The following AKT2 variants were observed in gnomAD, a reference collection of about 807,000 sequenced individuals.
The protein encoded by AKT2 is RAC-beta serine/threonine-protein kinase.
AKT2 carries 16 observed loss-of-function variants against 58.6 expected under a neutral mutation model. The ratio of observed to expected loss-of-function variants is 0.27; its 90% confidence interval spans 0.18 to 0.41. The LOEUF is 0.41. AKT2 is among the 10% of genes least tolerant of loss of function. AKT2 has a pLI of 1.00. For synonymous variants in AKT2, 253 were observed against 254.0 expected, an observed-to-expected ratio of 1.00 and a Z score of 0.04; for missense variants, 438 against 661.0, an observed-to-expected ratio of 0.66 and a Z score of 3.70.
chr19:40,235,026 G>T lies in AKT2; in HGVS notation c.1366+19C>A, dbSNP rs148795214. The T allele has an allele frequency of 6.2e-7, 1 of 1,608,624 alleles. No individual in the cohort carries two copies. The highest frequency in any genetic ancestry group is 8.5e-7 in the Non-Finnish European group (1 of 1,174,986). On this transcript the variant is annotated intron_variant, in intron 13 of 13. Transcript: ENST00000392038. The surrounding 1 kb of genome is among the most constrained non-coding windows in gnomAD (Gnocchi z 6.3). ...ACCCCTGGGGCAGGCACACCAGCGC[G>T]GGGGCCCCAGGCACTCACAGCGGTC...
intron 1 of AKT2, among the ~76,000 whole-genome samples, chr19:40,282,042 G>C (rs574057946): frequency 1.4e-4 from 22 of 152,102 alleles, no homozygotes; most frequent in Non-Finnish European, 2.8e-4. Context: ...GCTCTCACTC[G>C]CTTCCATACA....
chr19:40,245,468 A>G (rs912165954), intron 4 of AKT2, among the ~76,000 whole-genome samples: 1 of 152,182 alleles, frequency 6.6e-6, no homozygotes, highest in African/African-American at 2.4e-5. Flanking sequence ...ACATGCTCAC[A>G]TAGGCACAAA....
chr19:40,284,846 A>C, intron 1 of AKT2: 1 of 208,168 alleles, frequency 4.8e-6, no homozygotes, highest in Non-Finnish European at 9.5e-6. Context: ...CGCCCCCTCG[A>C]TAGCTTAGCC....
At chr19:40,258,227 A>G (rs546576588) in intron 2 of AKT2, among the ~76,000 whole-genome samples, 1 of 145,684 alleles carries the variant, frequency 6.9e-6, no homozygotes, top group East Asian at 2.0e-4. Flanking sequence ...CTGGGCAACA[A>G]GAGCGAAACT....
In AKT2 at chr19:40,265,250, G is replaced by A; in HGVS notation, c.18C>T (p.Val6=). Residue 6 remains valine (V), a synonymous_variant, in exon 2 of 14, where the codon GTC becomes GTT. Coordinates refer to ENST00000392038, the MANE Select transcript of AKT2 (RefSeq NM_001626.6). Reference sequence around the variant, plus strand: ...GCTTGTGGAGCCAGCCTTCTTTGATGACAGACACCTCATTCATGGTGGCAG... The same window carrying A: ...GCTTGTGGAGCCAGCCTTCTTTGATAACAGACACCTCATTCATGGTGGCAG... The part of the protein sequence containing the change: MNEVS[V]IKEGWLHKRG... 6.2e-7 allele frequency: 1 copy of A among 1,613,442 alleles called. No individual in the cohort carries two copies. Among genetic ancestry groups the A allele is most frequent in the South Asian group, 1.1e-5 (1 of 90,856 alleles).
Position 40,256,101 on chromosome 19 carries a change from A to G in AKT2, c.175+825T>C, listed in dbSNP as rs369906066. Among the ~76,000 whole-genome samples the G allele has an allele frequency of 3.9e-4, 60 of 152,260 alleles. 1 individual carries two copies. In the South Asian group the frequency reaches 0.012, roughly 30 times the overall value. On this transcript the variant is annotated intron_variant, in intron 3 of 13. Transcript: ENST00000392038. Reference sequence around the variant, plus strand: ...TGTGGCACTTATGAGGACCTTGAAGACACTTGGGGAGATGTGTCCAAGGAG... The same window carrying G: ...TGTGGCACTTATGAGGACCTTGAAGGCACTTGGGGAGATGTGTCCAAGGAG...
chr19:40,264,088 C>A (rs576147273), intron 2 of AKT2, among the ~76,000 whole-genome samples: 1 of 152,136 alleles, frequency 6.6e-6, no homozygotes, highest in Non-Finnish European at 1.5e-5. Flanking sequence ...GTTTGCCTGT[C>A]GGGCTCACTG....
intron 4 of AKT2, among the ~76,000 whole-genome samples, chr19:40,247,063 A>G (rs1349298557): frequency 6.6e-6 from 1 of 152,214 alleles, no homozygotes; most frequent in Non-Finnish European, 1.5e-5. Flanking sequence ...TCTGGGAGTA[A>G]CTGGGGCTCG....
chr19:40,265,543 C>A (rs553092937), intron 1 of AKT2, 192 bp from the exon 2 acceptor site: 33 of 731,164 alleles, frequency 4.5e-5, no homozygotes, highest in Admixed American at 6.1e-5. Context: ...CCCCAGCGAC[C>A]CCAATCTGGG....
rs984430344 is a variant in AKT2 at position 40,232,961 on chromosome 19, A to G, written c.*911T>C. ...CCCCCACCCCTCCCTGACCAAGTCC[A>G]TGGGGCCCAATACTGTCCGGTGTAA... On this transcript the variant is annotated 3_prime_UTR_variant, in exon 14 of 14. Coordinates refer to ENST00000392038, the MANE Select transcript of AKT2 (RefSeq NM_001626.6). 5 of 115,346 alleles carry G rather than the reference A, an allele frequency of 4.3e-5. No individual in the cohort carries two copies. The highest frequency in any genetic ancestry group is 8.1e-5 in the Non-Finnish European group (5 of 62,080). The allele number at this position is 115,346 out of a possible 1,614,324, so 7.1% of individuals were successfully genotyped here.
At position 40,235,967 on chromosome 19, in the gene AKT2, C is replaced by G. The variant is rs1973999189; in HGVS notation, c.1098G>C (p.Glu366Asp). 6.2e-7 allele frequency: 1 copy of G among 1,613,968 alleles called. No individual in the cohort carries two copies. Among genetic ancestry groups the G allele is most frequent in the Admixed American group, 1.7e-5 (1 of 60,000 alleles). Residue 366 changes from glutamate (E) to aspartate (D), a missense_variant, in exon 11 of 14, where the codon GAG becomes GAC. By Grantham distance (45) the Glu-to-Asp change is conservative (BLOSUM62 2). Transcript: ENST00000392038. This position sits in a 1 kb window ranked among gnomAD's most constrained non-coding sequence, Gnocchi z 6.3. ...ERLFELILME[E>D]IRFPRTLSPE... ...GGCTGAGCGTGCGCGGGAAGCGGATCTCTTCCATGAGGATGAGCTCGAAGA... is the reference window on the plus strand; with the variant it reads ...GGCTGAGCGTGCGCGGGAAGCGGATGTCTTCCATGAGGATGAGCTCGAAGA...
rs1240140760 is a variant in AKT2, at chr19:40,265,326, A to G, written c.-59T>C. ...GACAGCTCAGGGCAGCAGGACATGC[A>G]GGAGGCACCGTGGACAGGGCACAGT... On this transcript the variant is annotated 5_prime_UTR_variant, in exon 2 of 14. Transcript: ENST00000392038. 2 of 1,595,002 alleles carry G rather than the reference A, an allele frequency of 1.3e-6. No homozygotes were observed. The highest frequency in any genetic ancestry group is 1.7e-6 in the Non-Finnish European group (2 of 1,171,356).
At chr19:40,284,456 G>A (rs1033604079) in intron 1 of AKT2, among the ~76,000 whole-genome samples, 1 of 152,140 alleles carries the variant, frequency 6.6e-6, no homozygotes, top group Non-Finnish European at 1.5e-5. Flanking sequence ...AAGCACCCCA[G>A]TAACCATGAC....
intron 1 of AKT2, among the ~76,000 whole-genome samples, chr19:40,283,787 C>A (rs1046267351): frequency 1.3e-5 from 2 of 152,186 alleles, no homozygotes; most frequent in African/African-American, 4.8e-5. Flanking sequence ...CTGGGCCAGG[C>A]TGGGCCAGGG....
Position 40,242,288 on chromosome 19 carries a change from G to T in AKT2, c.442-219C>A. 1.2e-6 allele frequency: 1 copy of T among 854,526 alleles called. No individual in the cohort carries two copies. Among genetic ancestry groups the T allele is most frequent in the Non-Finnish European group, 1.8e-6 (1 of 545,842 alleles). The allele number at this position is 854,526 out of a possible 1,614,324, so 52.9% of individuals were successfully genotyped here. Reference sequence around the variant, plus strand: ...TTGGGAGGGCTGGGCTCTGACGTGGGGGTAGCCAGGTCTTCACCAACTCCC... The same window carrying T: ...TTGGGAGGGCTGGGCTCTGACGTGGTGGTAGCCAGGTCTTCACCAACTCCC... On this transcript the variant is annotated intron_variant, in intron 5 of 13. Coordinates refer to ENST00000392038, the MANE Select transcript of AKT2 (RefSeq NM_001626.6). This position sits in a 1 kb window ranked among gnomAD's most constrained non-coding sequence, Gnocchi z 4.3.
intron 4 of AKT2, among the ~76,000 whole-genome samples, chr19:40,254,886 T>C (rs1376511250): frequency 6.6e-6 from 1 of 150,510 alleles, no homozygotes; most frequent in African/African-American, 2.4e-5. Context: ...GATCTCCAGG[T>C]AGTCACAGGT....
intron 4 of AKT2, among the ~76,000 whole-genome samples, chr19:40,247,836 C>T (rs1258516994): frequency 6.6e-6 from 1 of 152,202 alleles, no homozygotes; most frequent in African/African-American, 2.4e-5. Context: ...CTCATCTGCC[C>T]ACCGACAGAG....
intron 1 of AKT2, chr19:40,273,364 T>A (rs1451408424): frequency 6.6e-6 from 1 of 151,986 alleles, no homozygotes; most frequent in Non-Finnish European, 1.5e-5. Context: ...AAATTATTAT[T>A]TCCTCTGATG....
chr19:40,242,448 G>C lies in AKT2; in HGVS notation c.441+86C>G. On this transcript the variant is annotated intron_variant, in intron 5 of 13. Transcript: ENST00000392038. This position sits in a 1 kb window ranked among gnomAD's most constrained non-coding sequence, Gnocchi z 4.3. The stretch of plus-strand genomic sequence containing the variant: ...GTCTCTCAGCTGAGCCCCCTGAACT[G>C]TGTTATGGAAACCAAGGAGAGCAGG... 1.3e-6 allele frequency: 2 copies of C among 1,583,772 alleles called. No homozygotes were observed. The highest frequency in any genetic ancestry group is 1.3e-5 in the African/African-American group (1 of 74,586).
Sources: gnomAD v4.1 joint callset for allele counts (sites outside exome capture counted in the v4.1 genomes callset) on GRCh38, gnomAD v4.1.1 for gene constraint, Gnocchi (gnomAD v3.1) non-coding constraint, MANE v1.5 for transcripts, NCBI Gene and HGNC (gene_info 2026-07-23, HGNC 2026-07-21) for gene names.